Variants in SIDT1 observed in about 807,000 individuals in gnomAD.
SIDT1 encodes the protein SID1 transmembrane family, member 1.
In SIDT1, 101 loss-of-function variants were observed where a neutral mutation model predicts 107.5. The ratio of observed to expected loss-of-function variants is 0.94; its 90% CI spans 0.80 to 1.11. SIDT1 has a LOEUF of 1.11. Ranked by LOEUF, SIDT1 falls within the 50% of genes least tolerant of loss-of-function variation. The pLI is 0.00. For missense variants in SIDT1, 1,076 were observed against 1,058.2 expected (o/e 1.02, Z -0.23); for synonymous variants, 395 against 398.2 (o/e 0.99, Z 0.10).
chr3:113,544,177 T>C (rs982806657), intron 1 of SIDT1, among the ~76,000 whole-genome samples: 1 of 72,102 alleles, frequency 1.4e-5, no homozygotes, highest in Non-Finnish European at 2.8e-5. Context: ...GTCTTTTTGT[T>C]TGTTTGTTTG....
At chr3:113,612,794 T>C (rs1245540913) in intron 19 of SIDT1, among the ~76,000 whole-genome samples, 5 of 152,236 alleles carry the variant, frequency 3.3e-5, no homozygotes, top group African/African-American at 1.2e-4. Flanking sequence ...TTAGAGCATT[T>C]AAATTTTAAA....
intron 1 of SIDT1, among the ~76,000 whole-genome samples, chr3:113,555,363 G>A (rs1472602977): frequency 1.3e-5 from 2 of 152,166 alleles, no homozygotes; most frequent in Non-Finnish European, 2.9e-5. Flanking sequence ...AGAGAAGAGT[G>A]CTATGTCTAC....
chr3:113,545,094 G>A (rs1939430742), intron 1 of SIDT1, among the ~76,000 whole-genome samples: 2 of 129,046 alleles, frequency 1.5e-5, no homozygotes, highest in African/African-American at 3.1e-5. Flanking sequence ...CAGCCCGGGC[G>A]ACAGAGCGAG....
rs771696855 is a variant in SIDT1, at chr3:113,604,992, GC to G, written c.1404+20del. The G allele has an allele frequency of 1.3e-4, 206 of 1,613,336 alleles. No individual in the cohort carries two copies. Among genetic ancestry groups the G allele is most frequent in the Admixed American group, 3.2e-4 (19 of 59,992 alleles). On this transcript the variant is annotated intron_variant, in intron 14 of 24. Coordinates refer to ENST00000264852, the MANE Select transcript of SIDT1 (RefSeq NM_017699.3). ...CTATCAGACAGTAAGTGCTGCCCCAGCCCCAGCCCCAGAGTCCCAGCTTTCT... is the reference window on the plus strand; with the variant it reads ...CTATCAGACAGTAAGTGCTGCCCCAGCCCAGCCCCAGAGTCCCAGCTTTCT...
intron 3 of SIDT1, among the ~76,000 whole-genome samples, chr3:113,569,149 A>C (rs1441808987): frequency 6.6e-6 from 1 of 151,284 alleles, no homozygotes; most frequent in Non-Finnish European, 1.5e-5. Flanking sequence ...AAAAAAAAAA[A>C]AAAAAAAAAA....
intron 6 of SIDT1, among the ~76,000 whole-genome samples, chr3:113,582,730 C>T (rs1943454087): frequency 6.6e-6 from 1 of 152,204 alleles, no homozygotes; most frequent in South Asian, 2.1e-4. Context: ...GAGCGAAACT[C>T]CTTCTCAAAA....
chr3:113,543,743 C>A (rs371976985), intron 1 of SIDT1, among the ~76,000 whole-genome samples: 27 of 152,328 alleles, frequency 1.8e-4, no homozygotes, highest in African/African-American at 5.5e-4. Context: ...TAACTTCAAA[C>A]TTACAAGAAA....
chr3:113,594,388 T>C (rs1411281563), intron 10 of SIDT1, among the ~76,000 whole-genome samples: 1 of 152,210 alleles, frequency 6.6e-6, no homozygotes, highest in East Asian at 1.9e-4. Context: ...CTGGATGTCA[T>C]CTTTTTTCCT....
At chr3:113,631,270 C>T (rs1474768184), downstream of SIDT1, among the ~76,000 whole-genome samples, 1 of 152,198 alleles carries the variant, frequency 6.6e-6, no homozygotes, top group Non-Finnish European at 1.5e-5. Context: ...CCTTCCCACC[C>T]TGATTACCAA....
intron 10 of SIDT1, among the ~76,000 whole-genome samples, chr3:113,595,810 C>A (rs1288420656): frequency 1.3e-5 from 2 of 152,096 alleles, no homozygotes; most frequent in South Asian, 2.1e-4. Flanking sequence ...GATGGCATCA[C>A]CCCCAATGTC....
At chr3:113,575,981 GA>G (rs1420306460) in intron 3 of SIDT1, among the ~76,000 whole-genome samples, 1 of 152,186 alleles carries the variant, frequency 6.6e-6, no homozygotes, top group African/African-American at 2.4e-5. Context: ...GACTGCTGTG[GA>G]CTTGTGTGCA....
rs1945801313 is a variant in SIDT1, at chr3:113,612,150, T to C, written c.1922T>C (p.Leu641Pro). ...TCTGCAATCCACGTTCTGGCCTCGC[T>C]AGCCCTCAGCACCCAGATATATTAT... ...IFSAIHVLAS[L>P]ALSTQIYYMG... The change falls in exon 19 of 25, where the codon CTA (leucine) becomes CCA (proline). Residue 641 changes from leucine (L) to proline (P), a missense_variant. Leu to Pro is a moderately conservative substitution (Grantham distance 98). Transcript: ENST00000264852. 1 of 1,614,170 alleles carries C rather than the reference T, an allele frequency of 6.2e-7. No homozygotes were observed. The highest frequency in any genetic ancestry group is 1.1e-5 in the South Asian group (1 of 91,084).
intron 10 of SIDT1, 100 bp from the exon 11 acceptor site, chr3:113,601,488 C>G (rs1398713059): frequency 2.5e-6 from 2 of 801,134 alleles, no homozygotes; most frequent in Non-Finnish European, 2.1e-6. Flanking sequence ...GAAAATCAAA[C>G]CTAAAATAAT....
At chr3:113,604,998 G>A (rs1047958018) in intron 14 of SIDT1, 22 bp downstream of exon 14, 3 of 1,613,236 alleles carry the variant, frequency 1.9e-6, no homozygotes, top group Non-Finnish European at 2.5e-6. Context: ...CCCAGCCCCA[G>A]CCCCAGAGTC....
intron 1 of SIDT1, among the ~76,000 whole-genome samples, chr3:113,557,779 C>T (rs182969199): frequency 2.0e-5 from 3 of 152,306 alleles, no homozygotes; most frequent in Admixed American, 6.5e-5. Context: ...TACCTTGTTA[C>T]GGCATCCTAG....
intron 1 of SIDT1, among the ~76,000 whole-genome samples, chr3:113,556,865 G>A (rs1451599519): frequency 3.1e-5 from 4 of 128,112 alleles, no homozygotes; most frequent in Non-Finnish European, 6.2e-5. Flanking sequence ...TGTCACCCAG[G>A]CTGGAGTGCA....
At chr3:113,583,009 T>C (rs1943475950) in intron 6 of SIDT1, among the ~76,000 whole-genome samples, 1 of 152,172 alleles carries the variant, frequency 6.6e-6, no homozygotes, top group Admixed American at 6.5e-5. Context: ...TAACCTAAAT[T>C]ATTTATTTAA....
intron 21 of SIDT1, among the ~76,000 whole-genome samples, chr3:113,621,517 A>G (rs1946464768): frequency 6.6e-6 from 1 of 152,212 alleles, no homozygotes; most frequent in East Asian, 1.9e-4. Context: ...AGTACTTTAC[A>G]CTTTAAATAC....
chr3:113,588,841 C>T (rs947687727), intron 9 of SIDT1: 2 of 151,024 alleles, frequency 1.3e-5, no homozygotes, highest in Admixed American at 1.3e-4. Flanking sequence ...TTCAGTGGCA[C>T]ACAGCAATAC....
Sources: gnomAD v4.1 joint callset for allele counts (sites outside exome capture counted in the v4.1 genomes callset) on GRCh38, gnomAD v4.1.1 for gene constraint, MANE v1.5 for transcripts, NCBI Gene and HGNC (gene_info 2026-07-23, HGNC 2026-07-21) for gene names.